The following VPS13C variants were observed in gnomAD, a reference collection of about 807,000 sequenced individuals.
The protein encoded by VPS13C is vacuolar protein sorting 13 homolog C.
A neutral mutation model predicts 456.8 loss-of-function variants in VPS13C; 358 were observed. The observed-to-expected ratio is 0.78, with a 90% CI of 0.72 to 0.86. VPS13C has a LOEUF of 0.86. Ranked by LOEUF, VPS13C falls within the 40% of genes least tolerant of loss-of-function variation. The pLI is 0.00. For synonymous variants in VPS13C, 1,578 were observed against 1,486.7 expected, an observed-to-expected ratio of 1.06 and a Z score of -1.41; for missense variants, 4,818 against 4,385.4, an observed-to-expected ratio of 1.10 and a Z score of -2.79.
intron 3 of VPS13C, among the ~76,000 whole-genome samples, chr15:62,040,662 T>C (rs1032393065): frequency 7.9e-5 from 12 of 152,010 alleles, no homozygotes; most frequent in African/African-American, 2.7e-4. Context: ...CATTACTCAA[T>C]ATATCCATGT....
intron 66 of VPS13C, among the ~76,000 whole-genome samples, chr15:61,895,974 C>T (rs948130902): frequency 6.6e-6 from 1 of 151,982 alleles, no homozygotes; most frequent in Non-Finnish European, 1.5e-5. Context: ...GTTCCTAACA[C>T]AAAGAAATGA....
At chr15:62,002,986 T>C (rs1488195082) in intron 15 of VPS13C, among the ~76,000 whole-genome samples, 2 of 152,186 alleles carry the variant, frequency 1.3e-5, no homozygotes, top group African/African-American at 2.4e-5. Context: ...TGGCTCAGGA[T>C]TGACTTGGCA....
chr15:62,044,912 T>C (rs1032599160), intron 1 of VPS13C, among the ~76,000 whole-genome samples: 2 of 152,152 alleles, frequency 1.3e-5, no homozygotes, highest in Non-Finnish European at 2.9e-5. Flanking sequence ...ACTTAAATTA[T>C]GTTAAGGCTA....
At chr15:62,028,966 G>A (rs141695147) in intron 5 of VPS13C, among the ~76,000 whole-genome samples, 1 of 152,018 alleles carries the variant, frequency 6.6e-6, no homozygotes, top group Admixed American at 6.6e-5. Flanking sequence ...AGACAACACT[G>A]CAAGTTTTTC....
chr15:61,979,201 G>A (rs1596412874), intron 22 of VPS13C, among the ~76,000 whole-genome samples: 2 of 152,232 alleles, frequency 1.3e-5, no homozygotes, highest in South Asian at 4.1e-4. Flanking sequence ...CCCCCTTCCT[G>A]GTGGAAGCAA....
chr15:62,058,939 A>C lies in VPS13C; in HGVS notation c.100+1336T>G, dbSNP rs192247118. 7.8e-4 allele frequency among the ~76,000 whole-genome samples: 112 copies of C among 143,510 alleles called. 1 individual carries two copies. The highest frequency in any genetic ancestry group is 2.5e-3 in the East Asian group (13 of 5,106). 94.1% of individuals were successfully genotyped at this position (143,510 alleles called of 152,430 possible). A position where few individuals can be genotyped will look rare whatever the true frequency, so the allele number is the denominator to read the frequency against. ...CTCAAAAAGACAAGCCAAAAAAAAA[A>C]AACAACAACAACAACAACCAGGCTC... On this transcript the variant is annotated intron_variant, in intron 1 of 84. Coordinates refer to ENST00000644861, the MANE Select transcript of VPS13C (RefSeq NM_020821.3).
chr15:62,026,629 A>G (rs1038773292), intron 6 of VPS13C, among the ~76,000 whole-genome samples: 12 of 152,116 alleles, frequency 7.9e-5, no homozygotes, highest in African/African-American at 2.9e-4. Flanking sequence ...CTTTCCAGAA[A>G]AAAAGCAACT....
rs750401746 is a variant in VPS13C at position 61,936,801 on chromosome 15, CT to C, written c.5602-52del. The C allele has an allele frequency of 6.0e-6, 9 of 1,495,354 alleles. No homozygotes were observed. In the East Asian group the frequency reaches 1.6e-4, roughly 27 times the overall value. 92.6% of individuals were successfully genotyped at this position (1,495,354 alleles called of 1,614,324 possible). On this transcript the variant is annotated intron_variant, in intron 47 of 84. Transcript: ENST00000644861. ...CTCTAAGTAATAAAAAAAATGTAGA[CT>C]ATCATATCTATATCTCGATTTGTGG...
intron 76 of VPS13C, 37 bp downstream of exon 76, chr15:61,875,695 T>C (rs1381242923): frequency 6.8e-7 from 1 of 1,470,670 alleles, no homozygotes; most frequent in East Asian, 2.3e-5. Flanking sequence ...CATCCATTTT[T>C]CTGTACCTAT....
At chr15:62,047,380 G>C (rs750873253) in intron 1 of VPS13C, among the ~76,000 whole-genome samples, 20 of 151,842 alleles carry the variant, frequency 1.3e-4, no homozygotes, top group Non-Finnish European at 1.5e-5. Flanking sequence ...AGAGGTTGCG[G>C]TGAGCTGAGA....
intron 73 of VPS13C, among the ~76,000 whole-genome samples, chr15:61,879,878 C>T (rs1895722992): frequency 6.6e-6 from 1 of 152,036 alleles, no homozygotes; most frequent in Non-Finnish European, 1.5e-5. Flanking sequence ...ATAATAATTC[C>T]ATTTTAGAAA....
At chr15:62,043,657 T>C (rs986210734) in intron 2 of VPS13C, among the ~76,000 whole-genome samples, 3 of 152,062 alleles carry the variant, frequency 2.0e-5, no homozygotes, top group Admixed American at 1.3e-4. Context: ...AAAAATTAAT[T>C]AAACAATAAA....
intron 29 of VPS13C, among the ~76,000 whole-genome samples, chr15:61,966,396 C>T (rs916749311): frequency 6.6e-6 from 1 of 151,822 alleles, no homozygotes; most frequent in Non-Finnish European, 1.5e-5. Context: ...GAATGACAAA[C>T]TCTGAAGGTT....
At position 61,869,640 on chromosome 15, in the gene VPS13C, A is replaced by T; in HGVS notation, c.10625-17T>A. On this transcript the variant is annotated splice_polypyrimidine_tract_variant and intron_variant, in intron 79 of 84. Transcript: ENST00000644861. ...TTTTGGCACCTTCAGAAAACCAATG[A>T]CCATGAATGGATAAAGATATTTTTA... 6.2e-7 allele frequency: 1 copy of T among 1,613,736 alleles called. No homozygotes were observed. Among genetic ancestry groups the T allele is most frequent in the Non-Finnish European group, 8.5e-7 (1 of 1,179,876 alleles).
At position 61,867,398 on chromosome 15, in the gene VPS13C, G is replaced by A. The variant is rs1894668291; in HGVS notation, c.10863+1261C>T. 1.0e-6 allele frequency: 1 copy of A among 985,692 alleles called. No homozygotes were observed. The highest frequency in any genetic ancestry group is 1.7e-5 in the African/African-American group (1 of 57,202). The allele number at this position is 985,692 out of a possible 1,614,324, so 61.1% of individuals were successfully genotyped here. On this transcript the variant is annotated intron_variant, in intron 81 of 84. Coordinates refer to ENST00000644861, the MANE Select transcript of VPS13C (RefSeq NM_020821.3). This position sits in a 1 kb window ranked among gnomAD's most constrained non-coding sequence, Gnocchi z 5.0. ...ATGTGCCAACTATTTATTACTTGAG[G>A]TCTAAGGGCAGGCTCAGAGCAACTG... is the stretch of plus-strand genomic sequence containing the variant.
At chr15:61,969,830 A>G (rs1488774822) in intron 27 of VPS13C, among the ~76,000 whole-genome samples, 1 of 152,180 alleles carries the variant, frequency 6.6e-6, no homozygotes, top group Non-Finnish European at 1.5e-5. Context: ...GTTCTCTATC[A>G]TACTACTATT....
At position 61,869,500 on chromosome 15, in the gene VPS13C, C is replaced by T. The variant is rs756811385; in HGVS notation, c.10748G>A (p.Arg3583Lys). The T allele has an allele frequency of 3.1e-6, 5 of 1,614,046 alleles. No homozygotes were observed. The highest frequency in any genetic ancestry group is 1.1e-5 in the South Asian group (1 of 91,064). ...TTGCACATAGTATGTACTCAATTAC[C>T]TCTGAATGCCTTGGAAGGTACTACT... ...MASSTFQGIQ[R>K]AAESTEEVSS... The change falls in exon 80 of 85, where the codon AGG becomes AAG. Residue 3583 changes from arginine (R) to lysine (K), a missense_variant and splice_region_variant. This residue lies in a region of VPS13C where 261 missense variants were observed against 234.1 expected (regional missense o/e 1.11). Coordinates refer to ENST00000644861, the MANE Select transcript of VPS13C (RefSeq NM_020821.3).
intron 37 of VPS13C, among the ~76,000 whole-genome samples, chr15:61,958,317 C>G (rs765494276): frequency 2.0e-5 from 3 of 152,034 alleles, no homozygotes; most frequent in African/African-American, 4.8e-5. Context: ...TCTATACATG[C>G]AATTTCAATG....
chr15:61,931,459 T>C (rs1181782733), intron 49 of VPS13C, among the ~76,000 whole-genome samples, 200 bp from the exon 50 acceptor site: 1 of 152,160 alleles, frequency 6.6e-6, no homozygotes, highest in Non-Finnish European at 1.5e-5. Context: ...AATAGATATA[T>C]GTGTGAATAT....
Sources: allele counts gnomAD v4.1 joint callset (sites outside exome capture counted in the v4.1 genomes callset), GRCh38; gene constraint gnomAD v4.1.1; regional missense constraint gnomAD v4.1.1; non-coding constraint Gnocchi (gnomAD v3.1); transcripts MANE v1.5; gene names NCBI Gene and HGNC (gene_info 2026-07-23, HGNC 2026-07-21).